Variants in GPR89B observed in about 807,000 individuals in gnomAD.
The protein encoded by GPR89B is G protein-coupled receptor 89B.
In GPR89B, 25 loss-of-function variants were observed where a neutral mutation model predicts 52.4. That is an observed-to-expected ratio of 0.48 (90% CI 0.35 to 0.67). The LOEUF (loss-of-function observed/expected upper bound fraction) is 0.67, where lower values mean the gene tolerates loss of function less well. GPR89B is among the 30% of genes least tolerant of loss of function. GPR89B has a pLI of 0.01. For synonymous variants in GPR89B, 52 were observed against 151.2 expected, an observed-to-expected ratio of 0.34 and a Z score of 4.81; for missense variants, 146 against 450.2, an observed-to-expected ratio of 0.32 and a Z score of 6.11.
At position 147,976,887 on chromosome 1, in the gene GPR89B, C is replaced by T. The variant is rs1488137251; in HGVS notation, c.909+6928C>T. Reference sequence around the variant, plus strand: ...TGAAAAGGATTTTATTTCTCCTTCACTTATGAAGCTTAGTTTGGCCAGATA... The same window carrying T: ...TGAAAAGGATTTTATTTCTCCTTCATTTATGAAGCTTAGTTTGGCCAGATA... On this transcript the variant is annotated intron_variant, in intron 10 of 13. Coordinates refer to ENST00000314163, the MANE Select transcript of GPR89B (RefSeq NM_016334.5). 2.0e-5 allele frequency among the ~76,000 whole-genome samples: 3 copies of T among 151,836 alleles called. No individual in the cohort carries two copies. The East Asian group carries it at 5.8e-4, about 29-fold the overall frequency.
At chr1:147,997,117 C>G (rs1659332293), downstream of GPR89B, among the ~76,000 whole-genome samples, 1 of 152,230 alleles carries the variant, frequency 6.6e-6, no homozygotes, top group African/African-American at 2.4e-5. Flanking sequence ...ACATATCTGA[C>G]TGACTAGCCG....
chr1:147,985,746 G>A (rs1175650208), intron 10 of GPR89B, among the ~76,000 whole-genome samples: 3 of 151,976 alleles, frequency 2.0e-5, no homozygotes, highest in Admixed American at 6.6e-5. Context: ...CCATCTTGGG[G>A]ATTAATTGGG....
intron 10 of GPR89B, among the ~76,000 whole-genome samples, chr1:147,972,880 A>C (rs1458814096): frequency 6.7e-6 from 1 of 149,518 alleles, no homozygotes; most frequent in East Asian, 2.0e-4. Flanking sequence ...CACATTGTTC[A>C]GTTCCCACTT....
At chr1:147,950,389 A>T (rs1475469241) in intron 5 of GPR89B, among the ~76,000 whole-genome samples, 5 of 146,990 alleles carry the variant, frequency 3.4e-5, no homozygotes, top group African/African-American at 1.3e-4. Flanking sequence ...GGCCGGGAAG[A>T]GGCGCTCCTC....
At chr1:148,020,872 G>A in the GPR89B span, among the ~76,000 whole-genome samples, 18 of 151,594 alleles carry the variant, frequency 1.2e-4, no homozygotes, top group Non-Finnish European at 2.4e-4. Context: ...ATTTTCAGTA[G>A]AGACGGGGTT....
At chr1:147,983,445 T>C (rs1471281309) in intron 10 of GPR89B, among the ~76,000 whole-genome samples, 1 of 151,932 alleles carries the variant, frequency 6.6e-6, no homozygotes, top group Non-Finnish European at 1.5e-5. Flanking sequence ...AGGGCTAATA[T>C]CCAGAATCTA....
At chr1:148,000,676 T>G in the GPR89B span, among the ~76,000 whole-genome samples, 1 of 151,122 alleles carries the variant, frequency 6.6e-6, no homozygotes. Context: ...GACATTTATC[T>G]TGTTCATCTT....
At chr1:148,000,528 C>T in the GPR89B span, among the ~76,000 whole-genome samples, 4 of 151,866 alleles carry the variant, frequency 2.6e-5, no homozygotes, top group Admixed American at 6.5e-5. Flanking sequence ...TACTAAGCTG[C>T]GTGACTTTAG....
the GPR89B span, among the ~76,000 whole-genome samples, chr1:148,017,312 G>T: frequency 6.6e-6 from 1 of 151,546 alleles, no homozygotes; most frequent in Non-Finnish European, 1.5e-5. Context: ...AAAGTGCTGG[G>T]ATTACAGGCG....
At chr1:147,989,751 G>C (rs1333492150) in intron 12 of GPR89B, among the ~76,000 whole-genome samples, 22 of 152,144 alleles carry the variant, frequency 1.4e-4, no homozygotes, top group Non-Finnish European at 2.8e-4. Flanking sequence ...TCCCTACAAA[G>C]GACATGAACT....
intron 5 of GPR89B, among the ~76,000 whole-genome samples, chr1:147,950,851 C>A (rs1249499950): frequency 1.3e-5 from 2 of 152,086 alleles, no homozygotes; most frequent in African/African-American, 4.8e-5. Context: ...GAGAATCAGG[C>A]AGGGAGGCTG....
chr1:147,991,752 T>C (rs1659087396), intron 12 of GPR89B, among the ~76,000 whole-genome samples: 2 of 152,234 alleles, frequency 1.3e-5, no homozygotes, highest in Admixed American at 6.5e-5. Flanking sequence ...ATTATGTTTA[T>C]TGATTTGCAT....
In GPR89B at chr1:147,992,507, T is replaced by C. The variant is rs1336610670; in HGVS notation, c.1101T>C (p.Phe367=). ...RGLLITLTKF[F]YAISSSKSSN... is the part of the protein sequence containing the mutation. ...ATCTCCCTCTTTCTTGACAGTTCTTTTATGCCATCTCTAGCAGTAAGTCCT... is the reference window on the plus strand; with the variant it reads ...ATCTCCCTCTTTCTTGACAGTTCTTCTATGCCATCTCTAGCAGTAAGTCCT... The change falls in exon 13 of 14, where the codon TTT becomes TTC. Residue 367 remains phenylalanine, a synonymous_variant. Transcript: ENST00000314163. 38 of 1,611,484 alleles carry C rather than the reference T, an allele frequency of 2.4e-5. No homozygotes were observed. The highest frequency in any genetic ancestry group is 3.2e-5 in the Non-Finnish European group (38 of 1,179,604).
intron 5 of GPR89B, among the ~76,000 whole-genome samples, chr1:147,949,166 A>G (rs1655284184): frequency 6.6e-6 from 1 of 152,136 alleles, no homozygotes; most frequent in Admixed American, 6.5e-5. Flanking sequence ...ACCTCTTTCC[A>G]CACAGACATG....
At chr1:147,960,361 T>A (rs1457980764) in intron 7 of GPR89B, among the ~76,000 whole-genome samples, 1 of 151,144 alleles carries the variant, frequency 6.6e-6, no homozygotes, top group East Asian at 2.0e-4. Context: ...TAACAAAGAC[T>A]TGAAAGTAAC....
intron 7 of GPR89B, among the ~76,000 whole-genome samples, chr1:147,956,871 G>A (rs1656156508): frequency 6.6e-6 from 1 of 151,772 alleles, no homozygotes; most frequent in African/African-American, 2.4e-5. Flanking sequence ...CCGAGTATCT[G>A]GGATTATAGG....
the GPR89B span, among the ~76,000 whole-genome samples, chr1:148,006,694 C>T: frequency 6.6e-6 from 1 of 151,268 alleles, no homozygotes; most frequent in East Asian, 1.9e-4. Flanking sequence ...GAGAACTTTT[C>T]ACTTAATAGA....
chr1:148,006,867 C>T, the GPR89B span, among the ~76,000 whole-genome samples: 67 of 151,810 alleles, frequency 4.4e-4, no homozygotes, highest in Non-Finnish European at 8.2e-4. Flanking sequence ...CAGGCGCCTG[C>T]CACCGCGCCT....
intron 12 of GPR89B, among the ~76,000 whole-genome samples, chr1:147,991,582 G>A (rs1659071731): frequency 6.6e-6 from 1 of 152,022 alleles, no homozygotes; most frequent in Non-Finnish European, 1.5e-5. Context: ...ATTGGCTGTG[G>A]GTTTGTCATA....
Sources: allele counts gnomAD v4.1 joint callset (sites outside exome capture counted in the v4.1 genomes callset), GRCh38; gene constraint gnomAD v4.1.1; transcripts MANE v1.5; gene names NCBI Gene and HGNC (gene_info 2026-07-23, HGNC 2026-07-21).